Variants in WNT7B observed in about 807,000 individuals in gnomAD.
WNT7B encodes protein Wnt-7b.
In WNT7B, 19 loss-of-function variants were observed where a neutral mutation model predicts 38.2. That is an observed-to-expected ratio of 0.50 (90% CI 0.35 to 0.73). The LOEUF (loss-of-function observed/expected upper bound fraction) is 0.73, where lower values mean the gene tolerates loss of function less well. Ranked by LOEUF, WNT7B falls within the 30% of genes least tolerant of loss-of-function variation. The pLI, the probability that WNT7B is intolerant of heterozygous loss-of-function variation, is 0.01. For synonymous variants in WNT7B, 243 were observed against 209.3 expected (o/e 1.16, Z -1.39); for missense variants, 423 against 507.9 (o/e 0.83, Z 1.61).
intron 2 of WNT7B, among the ~76,000 whole-genome samples, chr22:45,932,367 C>A (rs948958863): frequency 6.6e-6 from 1 of 152,128 alleles, no homozygotes; most frequent in Admixed American, 6.5e-5. Flanking sequence ...ATCCCAAGGA[C>A]CTTCCAAGGC....
chr22:45,934,304 G>A (rs1931457582), intron 2 of WNT7B, among the ~76,000 whole-genome samples: 1 of 152,194 alleles, frequency 6.6e-6, no homozygotes, highest in Non-Finnish European at 1.5e-5. Context: ...GGAGGAGAGG[G>A]GGGATGTGGG....
chr22:45,930,167 A>G (rs150106460), intron 3 of WNT7B, among the ~76,000 whole-genome samples: 1 of 152,152 alleles, frequency 6.6e-6, no homozygotes, highest in East Asian at 1.9e-4. Context: ...TGACCCCTGC[A>G]CCCCTCATGT....
At chr22:45,954,571 A>T (rs959250004) in intron 1 of WNT7B, 35 of 985,228 alleles carry the variant, frequency 3.6e-5, no homozygotes, top group Non-Finnish European at 4.2e-5. Flanking sequence ...TGTGGGGCTG[A>T]CAGAGCAGGG....
At chr22:45,953,256 G>T (rs1396065791) in intron 1 of WNT7B, among the ~76,000 whole-genome samples, 1 of 107,462 alleles carries the variant, frequency 9.3e-6, no homozygotes, top group Non-Finnish European at 2.0e-5. Context: ...CCGTGTCCTC[G>T]GCTTCCCCTC....
Position 45,960,300 on chromosome 22 carries a change from G to C in WNT7B, c.72-10154C>G, listed in dbSNP as rs541821871. On this transcript the variant is annotated intron_variant, in intron 1 of 3. Coordinates refer to ENST00000339464, the MANE Select transcript of WNT7B (RefSeq NM_058238.3). Reference sequence around the variant, plus strand: ...CTCCACTGCAGAGACCCCTCCTTGGGGAGGCACTCCCACCCACCAGCCCCC... The same window carrying C: ...CTCCACTGCAGAGACCCCTCCTTGGCGAGGCACTCCCACCCACCAGCCCCC... Among the ~76,000 whole-genome samples, 43 of 152,270 alleles carry C rather than the reference G, an allele frequency of 2.8e-4. No homozygotes were observed. In the East Asian group the frequency reaches 7.9e-3, roughly 28 times the overall value.
rs774474785 is a variant in WNT7B at position 45,931,224 on chromosome 22, C to T, written c.444G>A (p.Lys148=). The change falls in exon 3 of 4, where the codon AAG becomes AAA. Residue 148 remains lysine (K), a synonymous_variant. Coordinates refer to ENST00000339464, the MANE Select transcript of WNT7B (RefSeq NM_058238.3). The stretch of plus-strand genomic sequence containing the variant: ...GCACGTCGGCCGAGCAGCCGCCCCA[C>T]TTCCAGCCCTCGGCTTGGTTGTAGT... ...QGYYNQAEGW[K]WGGCSADVRY... 3 of 1,599,342 alleles carry T rather than the reference C, an allele frequency of 1.9e-6. No individual in the cohort carries two copies. Among genetic ancestry groups the T allele is most frequent in the African/African-American group, 1.3e-5 (1 of 74,950 alleles).
At chr22:45,925,713 C>T (rs762776119) in intron 3 of WNT7B, 20 of 985,322 alleles carry the variant, frequency 2.0e-5, no homozygotes, top group Non-Finnish European at 2.2e-5. Context: ...ACACGGCCTG[C>T]TCGGATGCTC....
At chr22:45,949,528 G>C (rs77729996) in intron 2 of WNT7B, among the ~76,000 whole-genome samples, 2,792 of 152,330 alleles carry the variant, frequency 0.018, 74 homozygotes, top group African/African-American at 0.065. Flanking sequence ...AGGAATGGAG[G>C]TTCTGCCAGA....
intron 1 of WNT7B, among the ~76,000 whole-genome samples, chr22:45,952,791 G>A (rs965386714): frequency 2.6e-5 from 4 of 152,178 alleles, no homozygotes; most frequent in East Asian, 1.9e-4. Flanking sequence ...GTCCACCACC[G>A]GCCCTGCCAG....
intron 3 of WNT7B, chr22:45,925,360 A>G (rs1321387511): frequency 5.1e-6 from 5 of 985,188 alleles, no homozygotes; most frequent in Non-Finnish European, 6.0e-6. Context: ...GAGACTGGGG[A>G]GACTGGAGAG....
rs1055873724 is a variant in WNT7B, at chr22:45,962,386, C to T, written c.72-12240G>A. Among the ~76,000 whole-genome samples the T allele has an allele frequency of 4.6e-5, 7 of 152,340 alleles. No individual in the cohort carries two copies. The South Asian group carries it at 1.4e-3, about 32-fold the overall frequency. On this transcript the variant is annotated intron_variant, in intron 1 of 3. Transcript: ENST00000339464. Reference sequence around the variant, plus strand: ...CCTCTGACTTCAGAACCTTCCAGATCTCTACCGGCACCCAGGGCCCACCAG... The same window carrying T: ...CCTCTGACTTCAGAACCTTCCAGATTTCTACCGGCACCCAGGGCCCACCAG...
intron 3 of WNT7B, among the ~76,000 whole-genome samples, chr22:45,928,551 A>G (rs1203209967): frequency 1.3e-5 from 2 of 151,884 alleles, no homozygotes; most frequent in African/African-American, 4.9e-5. Context: ...CGGCATCATC[A>G]GAGCCCTTTC....
At chr22:45,929,695 C>CCCCTCCCATTTTCCATCCAT (rs1931248438) in intron 3 of WNT7B, among the ~76,000 whole-genome samples, 2 of 140,260 alleles carry the variant, frequency 1.4e-5, no homozygotes, top group Admixed American at 1.4e-4. Context: ...CTTCCATCCA[C>CCCCTCCCATTTTCCATCCAT]CCATCTTTCC....
chr22:45,934,111 T>C (rs1931451069), intron 2 of WNT7B, among the ~76,000 whole-genome samples: 1 of 152,176 alleles, frequency 6.6e-6, no homozygotes, highest in South Asian at 2.1e-4. Context: ...CGTCCAACCA[T>C]GATTCCCGGT....
intron 1 of WNT7B, among the ~76,000 whole-genome samples, chr22:45,954,106 A>G (rs1179918439): frequency 2.0e-5 from 3 of 152,236 alleles, no homozygotes; most frequent in Admixed American, 1.3e-4. Flanking sequence ...GGGTCATGCC[A>G]CGGCATGGAG....
intron 2 of WNT7B, chr22:45,935,800 G>A (rs1931500532): frequency 2.0e-6 from 2 of 984,530 alleles, no homozygotes; most frequent in South Asian, 4.7e-5. Context: ...AAGCAGGAAG[G>A]GATTTGCAAT....
chr22:45,922,568 A>C lies in WNT7B; in HGVS notation c.*288T>G. 1 of 451,932 alleles carries C rather than the reference A, an allele frequency of 2.2e-6. No homozygotes were observed. The highest frequency in any genetic ancestry group is 3.6e-5 in the East Asian group (1 of 27,822). The allele number at this position is 451,932 out of a possible 1,614,324, so 28.0% of individuals were successfully genotyped here. A position where few individuals can be genotyped will look rare whatever the true frequency, so the allele number is the denominator to read the frequency against. ...TCATTTTCCCAGAGAGAAGAAAGAG[A>C]ACTTGCCGGGCCCCGTCGGGGAGCA... On this transcript the variant is annotated 3_prime_UTR_variant, in exon 4 of 4. Transcript: ENST00000339464.
chr22:45,933,687 T>G (rs1931437326), intron 2 of WNT7B, among the ~76,000 whole-genome samples: 1 of 152,192 alleles, frequency 6.6e-6, no homozygotes, highest in African/African-American at 2.4e-5. Flanking sequence ...CAAGGAAGGC[T>G]TCCTGGAGGA....
In WNT7B at chr22:45,923,307, C is replaced by T; in HGVS notation, c.599G>A (p.Cys200Tyr). 1 of 1,610,482 alleles carries T rather than the reference C, an allele frequency of 6.2e-7. No individual in the cohort carries two copies. Among genetic ancestry groups the T allele is most frequent in the Non-Finnish European group, 8.5e-7 (1 of 1,177,936 alleles). The change falls in exon 4 of 4, where the codon TGC becomes TAC. Residue 200 changes from cysteine to tyrosine, a missense_variant. By Grantham distance (194) the Cys-to-Tyr change is radical. Coordinates refer to ENST00000339464, the MANE Select transcript of WNT7B (RefSeq NM_058238.3). ...KVLEDRMQLECKCHGVSGSCT... is the reference protein window; with the variant it reads ...KVLEDRMQLEYKCHGVSGSCT... Reference sequence around the variant, plus strand: ...GGAGCCAGACACGCCGTGGCACTTGCACTCCAGCTGCATCCGGTCCTCTAG... The same window carrying T: ...GGAGCCAGACACGCCGTGGCACTTGTACTCCAGCTGCATCCGGTCCTCTAG...
Sources: gnomAD v4.1 joint callset for allele counts (sites outside exome capture counted in the v4.1 genomes callset) on GRCh38, gnomAD v4.1.1 for gene constraint, MANE v1.5 for transcripts, NCBI Gene and HGNC (gene_info 2026-07-23, HGNC 2026-07-21) for gene names.